The following RERE variants were observed in gnomAD, a reference collection of about 807,000 sequenced individuals.
RERE encodes arginine-glutamic acid dipeptide repeats, also known as arginine-glutamic acid dipeptide repeats protein.
RERE carries 40 observed loss-of-function variants against 146.1 expected under a neutral mutation model. The ratio of observed to expected loss-of-function variants is 0.27; its 90% CI spans 0.21 to 0.36. The LOEUF (loss-of-function observed/expected upper bound fraction) is 0.36, where lower values mean the gene tolerates loss of function less well. Ranked by LOEUF, RERE falls within the 10% of genes least tolerant of loss-of-function variation. The pLI, the probability that RERE is intolerant of heterozygous loss-of-function variation, is 1.00. For synonymous variants in RERE, 1,003 were observed against 866.0 expected (o/e 1.16, Z -2.78); for missense variants, 1,933 against 2,138.7 (o/e 0.90, Z 1.90).
rs1409249904 is a variant in RERE, at chr1:8,352,913, G to A, written c.*2174C>T. On this transcript the variant is annotated 3_prime_UTR_variant, in exon 23 of 23. Transcript: ENST00000400908. ...ACCTCAGAGGACTCGACTCTTCTTT[G>A]GAAAAATGGATGCCAAAGGAGGAGA... 6.6e-6 allele frequency: 1 copy of A among 152,570 alleles called. No homozygotes were observed. The highest frequency in any genetic ancestry group is 1.5e-5 in the Non-Finnish European group (1 of 68,048). The allele number at this position is 152,570 out of a possible 1,614,324, so 9.5% of individuals were successfully genotyped here. A position where few individuals can be genotyped will look rare whatever the true frequency, so the allele number is the denominator to read the frequency against.
intron 1 of RERE, among the ~76,000 whole-genome samples, chr1:8,671,112 T>A (rs944741966): frequency 6.6e-6 from 1 of 152,230 alleles, no homozygotes. Context: ...GTCAGAAAGC[T>A]CTGGGCTAGA....
At chr1:8,694,972 A>AAGG (rs1639291363) in intron 1 of RERE, among the ~76,000 whole-genome samples, 1 of 9,530 alleles carries the variant, frequency 1.0e-4, no homozygotes, top group African/African-American at 2.9e-4. Context: ...AAGAAATCCT[A>AAGG]AGGGGGGGGG....
At chr1:8,580,330 A>G (rs1224299865) in intron 4 of RERE, among the ~76,000 whole-genome samples, 4 of 152,238 alleles carry the variant, frequency 2.6e-5, no homozygotes. Context: ...AATTGCATTT[A>G]CCACATAACT....
At chr1:8,631,699 T>TCA (rs1647037434) in intron 2 of RERE, among the ~76,000 whole-genome samples, 4 of 152,224 alleles carry the variant, frequency 2.6e-5, no homozygotes, top group Admixed American at 6.5e-5. Flanking sequence ...GCTGTGTTGG[T>TCA]TGAGTCCCTA....
rs903509584 is a variant in RERE at position 8,361,637 on chromosome 1, A to G, written c.2016+126T>C. 5 of 1,335,060 alleles carry G rather than the reference A, an allele frequency of 3.7e-6. No homozygotes were observed. In the African/African-American group the frequency reaches 4.3e-5, roughly 12 times the overall value. The allele number at this position is 1,335,060 out of a possible 1,614,324, so 82.7% of individuals were successfully genotyped here. Reference sequence around the variant, plus strand: ...CCACAGGTCGTGCCCTGACCCAGCCAGTGTCAAAGGCCACTCCAGCCCCAC... The same window carrying G: ...CCACAGGTCGTGCCCTGACCCAGCCGGTGTCAAAGGCCACTCCAGCCCCAC... On this transcript the variant is annotated intron_variant, in intron 17 of 22. Transcript: ENST00000400908.
At chr1:8,500,985 T>G (rs1645131689) in intron 8 of RERE, among the ~76,000 whole-genome samples, 1 of 121,318 alleles carries the variant, frequency 8.2e-6, no homozygotes, top group Admixed American at 9.2e-5. Flanking sequence ...AGCCACCCCG[T>G]CTGGGAAGTG....
At chr1:8,618,865 G>A (rs184925927) in intron 3 of RERE, among the ~76,000 whole-genome samples, 146 of 152,198 alleles carry the variant, frequency 9.6e-4, no homozygotes, top group African/African-American at 2.9e-3. Flanking sequence ...GGTGGAGGGC[G>A]GGCAATCTCA....
Position 8,793,895 on chromosome 1 carries a change from C to A in RERE, c.-145+23265G>T, listed in dbSNP as rs1391050753. On this transcript the variant is annotated intron_variant, in intron 1 of 22. Transcript: ENST00000400908. ...CCTGGCCAACATGGCAAAACCTCAT[C>A]TCTACTAAAAATACAAAAAAATTAG... Among the ~76,000 whole-genome samples the A allele has an allele frequency of 2.0e-5, 3 of 151,766 alleles. No individual in the cohort carries two copies. In the East Asian group the frequency reaches 5.8e-4, roughly 29 times the overall value.
intron 4 of RERE, among the ~76,000 whole-genome samples, chr1:8,591,326 G>A (rs1646490228): frequency 6.6e-6 from 1 of 151,954 alleles, no homozygotes; most frequent in South Asian, 2.1e-4. Flanking sequence ...GAGAAAGATG[G>A]TGTAAAAGCA....
intron 2 of RERE, among the ~76,000 whole-genome samples, chr1:8,647,637 A>ATGTGTGTGTGTGTGTGTG (rs1484554374): frequency 5.1e-5 from 3 of 59,326 alleles, no homozygotes; most frequent in African/African-American, 1.8e-4. Flanking sequence ...TATTTAAAAT[A>ATGTGTGTGTGTGTGTGTG]TGTATGTGTG....
chr1:8,402,559 A>G (rs535343031), intron 12 of RERE, among the ~76,000 whole-genome samples: 4 of 152,284 alleles, frequency 2.6e-5, no homozygotes, highest in Non-Finnish European at 4.4e-5. Flanking sequence ...CATGGTAACT[A>G]TCTTTGCATT....
chr1:8,660,920 C>T (rs1035742946), intron 1 of RERE, among the ~76,000 whole-genome samples: 1 of 152,172 alleles, frequency 6.6e-6, no homozygotes, highest in African/African-American at 2.4e-5. Flanking sequence ...CAAGTGAATG[C>T]CTATTATGTG....
At chr1:8,413,947 CGGGAGGAAGA>C (rs1314398716) in intron 12 of RERE, among the ~76,000 whole-genome samples, 1 of 147,968 alleles carries the variant, frequency 6.8e-6, no homozygotes, top group Non-Finnish European at 1.5e-5. Flanking sequence ...CCCAGCCATT[CGGGAGGAAGA>C]GGGAGGAGAA....
intron 12 of RERE, among the ~76,000 whole-genome samples, chr1:8,403,057 C>T (rs745422708): frequency 5.9e-5 from 9 of 152,142 alleles, no homozygotes; most frequent in Non-Finnish European, 1.3e-4. Flanking sequence ...CACCACCACA[C>T]CCAGCTAATT....
Position 8,362,690 on chromosome 1 carries a change from G to T in RERE, c.1895C>A (p.Ser632Ter). ...ATCCCCCCAGCACCTGACCTTGGCC[G>T]ACTTCTTCACTGTCTCTGCTTTACT... is the stretch of plus-strand genomic sequence containing the variant. Reference protein sequence around the residue: ...NDSKAETVKKSAKKVKEEASS... With the variant: ...NDSKAETVKK The change falls in exon 16 of 23, where the codon TCG (serine) becomes TAG (stop). Residue 632 changes from serine (S) to a stop codon, truncating the protein, a stop_gained. Transcript: ENST00000400908. LOFTEE classifies it high-confidence loss of function. The T allele has an allele frequency of 6.2e-7, 1 of 1,614,224 alleles. No homozygotes were observed. The highest frequency in any genetic ancestry group is 1.1e-5 in the South Asian group (1 of 91,078).
At chr1:8,366,260 G>A (rs1641799657) in intron 12 of RERE, among the ~76,000 whole-genome samples, 1 of 152,188 alleles carries the variant, frequency 6.6e-6, no homozygotes, top group African/African-American at 2.4e-5. Context: ...AGACCCCACC[G>A]CTGTTGTACA....
Position 8,358,423 on chromosome 1 carries a change from A to G in RERE, c.4112T>C (p.Leu1371Pro). The G allele has an allele frequency of 6.3e-7, 1 of 1,595,368 alleles. No individual in the cohort carries two copies. The highest frequency in any genetic ancestry group is 2.3e-5 in the East Asian group (1 of 44,332). Residue 1371 changes from leucine (L) to proline (P), a missense_variant, in exon 20 of 23, where the codon CTG becomes CCG. Coordinates refer to ENST00000400908, the MANE Select transcript of RERE (RefSeq NM_001042681.2). The stretch of plus-strand genomic sequence containing the variant: ...CAGTCTCTCCCTCTCCAAGGGGTTC[A>G]GGCCCGGGTGGAAAGAAGCAAAAGG... ...PHPFASFHPG[L>P]NPLERERLAL...
intron 10 of RERE, among the ~76,000 whole-genome samples, chr1:8,471,095 G>A (rs978982219): frequency 6.6e-6 from 1 of 152,014 alleles, no homozygotes; most frequent in Non-Finnish European, 1.5e-5. Context: ...GGGATTACAG[G>A]TGTCAGCCAC....
At chr1:8,385,994 AT>A (rs59664404) in intron 12 of RERE, among the ~76,000 whole-genome samples, 1,472 of 21,864 alleles carry the variant, frequency 0.067, 30 homozygotes, top group East Asian at 0.094. Context: ...AAAAAAAAAA[AT>A]ATATATATAT....
Sources: allele counts gnomAD v4.1 joint callset (sites outside exome capture counted in the v4.1 genomes callset), GRCh38; gene constraint gnomAD v4.1.1; transcripts MANE v1.5; gene names NCBI Gene and HGNC (gene_info 2026-07-23, HGNC 2026-07-21).